TIAM2: variants seen among roughly 807,000 people sequenced by gnomAD.
TIAM2 encodes the protein TIAM Rac1 associated GEF 2, also known as rho guanine nucleotide exchange factor TIAM2.
TIAM2 carries 80 observed loss-of-function variants against 152.9 expected under a neutral mutation model. That is an observed-to-expected ratio of 0.52 (90% CI 0.44 to 0.63). The LOEUF is 0.63. Ranked by LOEUF, TIAM2 falls within the 30% of genes least tolerant of loss-of-function variation. The probability of loss-of-function intolerance (pLI) is 0.00; values close to 1 mark genes in which losing one functional copy is unlikely to be tolerated. For missense variants in TIAM2, 1,965 were observed against 2,120.1 expected (o/e 0.93, Z 1.44); for synonymous variants, 804 against 838.0 (o/e 0.96, Z 0.70).
chr6:155,246,676 G>C (rs1783352969), intron 19 of TIAM2, among the ~76,000 whole-genome samples: 1 of 152,036 alleles, frequency 6.6e-6, no homozygotes, highest in African/African-American at 2.4e-5. Context: ...TACAGTGAAA[G>C]CATACCAATG....
intron 2 of TIAM2, among the ~76,000 whole-genome samples, chr6:155,103,723 C>CAAA (rs759945340): frequency 0.049 from 2,887 of 58,646 alleles, 182 homozygotes; most frequent in Non-Finnish European, 0.057. Context: ...GACTCTGTCT[C>CAAA]AAAAAAAAAA....
At chr6:155,164,133 G>GTTTTTTTTTTTCTT (rs1780350275) in intron 7 of TIAM2, among the ~76,000 whole-genome samples, 1 of 118,006 alleles carries the variant, frequency 8.5e-6, no homozygotes, top group African/African-American at 2.9e-5. Flanking sequence ...TAATTTTTGT[G>GTTTTTTTTTTTCTT]TTTTTTTTTT....
chr6:155,247,607 C>T (rs1029192462), intron 19 of TIAM2, among the ~76,000 whole-genome samples: 3 of 152,320 alleles, frequency 2.0e-5, no homozygotes, highest in Middle Eastern at 3.4e-3. Flanking sequence ...GGATTACGGG[C>T]GTGAGCCACC....
rs149311966 is a variant in TIAM2, at chr6:155,124,770, G to A, written c.-117-2720G>A. 1.8e-3 allele frequency among the ~76,000 whole-genome samples: 274 copies of A among 152,232 alleles called. 1 individual carries two copies. Among genetic ancestry groups the A allele is most frequent in the Admixed American group, 2.8e-3 (43 of 15,286 alleles). Reference sequence around the variant, plus strand: ...GCTGCCTACTAAAAGGTAGGGTGCCGGCAGTATAGCAGCCACCTTCTCAGT... The same window carrying A: ...GCTGCCTACTAAAAGGTAGGGTGCCAGCAGTATAGCAGCCACCTTCTCAGT... On this transcript the variant is annotated intron_variant, in intron 2 of 26. Transcript: ENST00000682666.
At chr6:155,236,599 G>T (rs952099945) in intron 15 of TIAM2, among the ~76,000 whole-genome samples, 2 of 152,164 alleles carry the variant, frequency 1.3e-5, no homozygotes, top group African/African-American at 4.8e-5. Context: ...GGAGGCAGAG[G>T]TTGCAGTGAG....
In TIAM2 at chr6:155,156,884, C is replaced by T. The variant is rs1329219722; in HGVS notation, c.2029-7531C>T. Among the ~76,000 whole-genome samples the T allele has an allele frequency of 6.6e-5, 10 of 152,132 alleles. No individual in the cohort carries two copies. Among genetic ancestry groups the T allele is most frequent in the Admixed American group, 5.9e-4 (9 of 15,264 alleles). On this transcript the variant is annotated intron_variant, in intron 7 of 26. Coordinates refer to ENST00000682666, the MANE Select transcript of TIAM2 (RefSeq NM_012454.4). The surrounding 1 kb of genome is among the most constrained non-coding windows in gnomAD (Gnocchi z 4.4). ...CCTCTTCATCTGGCTCACCCCTTCT[C>T]GACTGTCATGAAGGGTTTAGGGGTC...
At chr6:155,195,729 GCT>G (rs1781327362) in intron 14 of TIAM2, among the ~76,000 whole-genome samples, 1 of 152,350 alleles carries the variant, frequency 6.6e-6, no homozygotes, top group Middle Eastern at 3.4e-3. Flanking sequence ...GGCCGGTAGT[GCT>G]CAGGGAACAA....
At chr6:155,199,507 G>T (rs1781431273) in intron 14 of TIAM2, among the ~76,000 whole-genome samples, 2 of 152,164 alleles carry the variant, frequency 1.3e-5, no homozygotes, top group South Asian at 4.1e-4. Flanking sequence ...TCTAGTTCCT[G>T]GCTTTTTCGT....
chr6:155,028,515 CATATA>C (rs565933291), intron 1 of TIAM2, among the ~76,000 whole-genome samples: 2,826 of 131,996 alleles, frequency 0.021, 59 homozygotes, highest in African/African-American at 0.043. Context: ...ATATATACTA[CATATA>C]ATATATATAC....
intron 9 of TIAM2, among the ~76,000 whole-genome samples, chr6:155,172,470 G>A (rs1223111128): frequency 6.6e-6 from 1 of 151,158 alleles, no homozygotes; most frequent in African/African-American, 2.4e-5. Context: ...ACCACCCCAC[G>A]AGGCTGGCGT....
At chr6:155,161,830 G>A (rs769970060) in intron 7 of TIAM2, among the ~76,000 whole-genome samples, 3 of 151,926 alleles carry the variant, frequency 2.0e-5, no homozygotes, top group Non-Finnish European at 4.4e-5. Flanking sequence ...TGCCCGCATC[G>A]GCCTCCCGAA....
At chr6:155,116,118 G>A (rs1437779094) in intron 2 of TIAM2, among the ~76,000 whole-genome samples, 1 of 152,080 alleles carries the variant, frequency 6.6e-6, no homozygotes, top group East Asian at 1.9e-4. Flanking sequence ...AAAAAGAATG[G>A]ATTAGGCCCT....
At chr6:155,119,097 C>T (rs752689685) in intron 2 of TIAM2, among the ~76,000 whole-genome samples, 19 of 151,234 alleles carry the variant, frequency 1.3e-4, no homozygotes, top group Non-Finnish European at 2.4e-4. Context: ...TGCAGTGGCG[C>T]GATCTCGGCT....
chr6:155,025,787 A>T (rs999613098), intron 1 of TIAM2, among the ~76,000 whole-genome samples: 1 of 151,170 alleles, frequency 6.6e-6, no homozygotes, highest in African/African-American at 2.4e-5. Context: ...TTTCATACCC[A>T]TACATAAAAA....
intron 2 of TIAM2, among the ~76,000 whole-genome samples, chr6:155,118,416 TCTTTTTCTTTTTCTTTTTC>T (rs1779064981): frequency 1.4e-5 from 1 of 72,942 alleles, no homozygotes; most frequent in Admixed American, 2.1e-4. Context: ...TTTTCTTTTT[TCTTTTTCTTTTTCTTTTTC>T]TTTTTTTTTT....
chr6:155,198,530 C>T (rs973658683), intron 14 of TIAM2, among the ~76,000 whole-genome samples: 11 of 151,902 alleles, frequency 7.2e-5, no homozygotes, highest in South Asian at 2.1e-4. Flanking sequence ...GGCATGGTGG[C>T]GTATGCCTGT....
At chr6:155,184,314 G>T (rs766936950) in intron 14 of TIAM2, among the ~76,000 whole-genome samples, 1 of 152,156 alleles carries the variant, frequency 6.6e-6, no homozygotes, top group Non-Finnish European at 1.5e-5. Flanking sequence ...TTTAATGTAG[G>T]TCATGAATTT....
chr6:155,025,870 A>ACC (rs1776592265), intron 1 of TIAM2, among the ~76,000 whole-genome samples: 1 of 145,920 alleles, frequency 6.9e-6, no homozygotes. Context: ...ACACACACAC[A>ACC]CACACAGAAA....
At chr6:155,110,425 T>C (rs1477803911) in intron 2 of TIAM2, among the ~76,000 whole-genome samples, 1 of 151,504 alleles carries the variant, frequency 6.6e-6, no homozygotes, top group African/African-American at 2.4e-5. Context: ...AAAGCTCTAG[T>C]AGAGAAAAGG....
Sources: allele counts gnomAD v4.1 joint callset (sites outside exome capture counted in the v4.1 genomes callset), GRCh38; gene constraint gnomAD v4.1.1; non-coding constraint Gnocchi (gnomAD v3.1); transcripts MANE v1.5; gene names NCBI Gene and HGNC (gene_info 2026-07-23, HGNC 2026-07-21).